Variants in TBC1D22A observed in about 807,000 individuals in gnomAD.
The protein encoded by TBC1D22A is putative GTPase activator.
In TBC1D22A, 38 loss-of-function variants were observed where a neutral mutation model predicts 60.2. That is an observed-to-expected ratio of 0.63 (90% CI 0.49 to 0.83). The LOEUF is 0.83. Ranked by LOEUF, TBC1D22A falls within the 40% of genes least tolerant of loss-of-function variation. The pLI, the probability that TBC1D22A is intolerant of heterozygous loss-of-function variation, is 0.00. For synonymous variants in TBC1D22A, 302 were observed against 281.7 expected (o/e 1.07, Z -0.72); for missense variants, 628 against 701.0 (o/e 0.90, Z 1.18).
intron 11 of TBC1D22A, among the ~76,000 whole-genome samples, chr22:47,048,693 T>G (rs2063107312): frequency 6.6e-6 from 1 of 152,188 alleles, no homozygotes; most frequent in South Asian, 2.1e-4. Flanking sequence ...GCATTGCTTC[T>G]CCTAGTGAAC....
rs138064249 is a variant in TBC1D22A, at chr22:47,072,471, G to A, written c.1329+35273G>A. On this transcript the variant is annotated intron_variant, in intron 11 of 12. Coordinates refer to ENST00000337137, the MANE Select transcript of TBC1D22A (RefSeq NM_014346.5). ...AGAAGTGGAGTTCCCAGTCCCATCCGTGGAGTGGCCTTCCCCTGAGAGCTT... is the reference window on the plus strand; with the variant it reads ...AGAAGTGGAGTTCCCAGTCCCATCCATGGAGTGGCCTTCCCCTGAGAGCTT... Among the ~76,000 whole-genome samples, 124 of 152,366 alleles carry A rather than the reference G, an allele frequency of 8.1e-4. 1 individual carries two copies. The highest frequency in any genetic ancestry group is 2.8e-3 in the African/African-American group (118 of 41,586).
chr22:46,829,723 T>C (rs1009936175), intron 4 of TBC1D22A, among the ~76,000 whole-genome samples: 1 of 152,208 alleles, frequency 6.6e-6, no homozygotes, highest in African/African-American at 2.4e-5. Flanking sequence ...TTTCTATGCC[T>C]CCAAAAGGTC....
chr22:46,944,222 G>A (rs2072364690), intron 8 of TBC1D22A, among the ~76,000 whole-genome samples: 1 of 152,074 alleles, frequency 6.6e-6, no homozygotes, highest in Non-Finnish European at 1.5e-5. Context: ...TTTTATTTTA[G>A]CCATCCTACT....
chr22:47,063,646 G>A (rs1003253818), intron 11 of TBC1D22A, among the ~76,000 whole-genome samples: 3 of 152,132 alleles, frequency 2.0e-5, no homozygotes, highest in African/African-American at 7.2e-5. Flanking sequence ...TCACTCGCGT[G>A]GAGTATCCAT....
At chr22:46,995,801 A>G (rs1251531030) in intron 9 of TBC1D22A, among the ~76,000 whole-genome samples, 2 of 152,066 alleles carry the variant, frequency 1.3e-5, no homozygotes, top group African/African-American at 2.4e-5. Flanking sequence ...CAGCACAGGG[A>G]GGCCTGCCTG....
chr22:47,162,675 G>GCACTTCCTC (rs1569479268), intron 12 of TBC1D22A, among the ~76,000 whole-genome samples: 1 of 49,560 alleles, frequency 2.0e-5, no homozygotes, highest in African/African-American at 6.3e-5. Flanking sequence ...CCCGGTGCAG[G>GCACTTCCTC]GAGAGTCGTG....
chr22:46,912,010 C>A, intron 7 of TBC1D22A, 64 bp from the exon 8 acceptor site: 2 of 1,059,418 alleles, frequency 1.9e-6, no homozygotes, highest in South Asian at 1.3e-5. Context: ...TAATAGAATG[C>A]TTTCATTTTA....
chr22:46,817,578 C>T (rs2085658551), intron 4 of TBC1D22A, among the ~76,000 whole-genome samples: 1 of 152,222 alleles, frequency 6.6e-6, no homozygotes, highest in Admixed American at 6.5e-5. Context: ...CTGCAAAGGA[C>T]ATGATCTCAT....
At chr22:47,095,013 G>T (rs1650710644) in intron 11 of TBC1D22A, among the ~76,000 whole-genome samples, 1 of 152,248 alleles carries the variant, frequency 6.6e-6, no homozygotes, top group African/African-American at 2.4e-5. Context: ...GTAGCAACAG[G>T]CTCATTTAGG....
At chr22:46,930,542 A>G (rs1602528678) in intron 8 of TBC1D22A, among the ~76,000 whole-genome samples, 2 of 150,496 alleles carry the variant, frequency 1.3e-5, no homozygotes, top group South Asian at 2.1e-4. Flanking sequence ...TGCAAGCTCC[A>G]CCTCCCAGGT....
intron 9 of TBC1D22A, among the ~76,000 whole-genome samples, chr22:46,988,141 A>G (rs136130): frequency 0.37 from 56,252 of 151,654 alleles, 10,925 homozygotes; most frequent in African/African-American, 0.5. Flanking sequence ...CATCCATTTA[A>G]ATTTTCCTGT....
At chr22:47,154,054 C>A (rs879896582) in intron 12 of TBC1D22A, among the ~76,000 whole-genome samples, 1 of 152,144 alleles carries the variant, frequency 6.6e-6, no homozygotes. Flanking sequence ...GCTGTGACTG[C>A]GAGTGGATGA....
intron 11 of TBC1D22A, among the ~76,000 whole-genome samples, chr22:47,044,204 G>A (rs778875749): frequency 3.3e-5 from 5 of 152,202 alleles, no homozygotes; most frequent in East Asian, 3.9e-4. Flanking sequence ...GTCCGGTGCC[G>A]TGCTATCCTG....
At chr22:47,072,535 A>G (rs1338649466) in intron 11 of TBC1D22A, among the ~76,000 whole-genome samples, 1 of 152,162 alleles carries the variant, frequency 6.6e-6, no homozygotes, top group Non-Finnish European at 1.5e-5. Context: ...CTGTCTCTCC[A>G]TGCCTTATGC....
chr22:46,924,107 G>A (rs911643851), intron 8 of TBC1D22A, among the ~76,000 whole-genome samples: 1 of 152,180 alleles, frequency 6.6e-6, no homozygotes, highest in African/African-American at 2.4e-5. Context: ...AACATTTTTA[G>A]CAGAGCAAGA....
intron 4 of TBC1D22A, among the ~76,000 whole-genome samples, chr22:46,826,689 G>A (rs1014293121): frequency 1.3e-5 from 2 of 152,132 alleles, no homozygotes; most frequent in Non-Finnish European, 2.9e-5. Context: ...AGACTGTCCC[G>A]GAGCTTGCTT....
intron 4 of TBC1D22A, among the ~76,000 whole-genome samples, chr22:46,847,194 T>C (rs753676613): frequency 3.3e-5 from 5 of 152,224 alleles, no homozygotes; most frequent in Non-Finnish European, 7.3e-5. Context: ...TGGTATGTTT[T>C]GTGCCATTAG....
At chr22:47,119,523 G>A (rs1462896188) in intron 12 of TBC1D22A, among the ~76,000 whole-genome samples, 1 of 147,878 alleles carries the variant, frequency 6.8e-6, no homozygotes, top group Non-Finnish European at 1.5e-5. Flanking sequence ...TTGAGACGAA[G>A]TCTCACACTG....
At chr22:47,150,935 G>A (rs2067477223) in intron 12 of TBC1D22A, among the ~76,000 whole-genome samples, 1 of 152,224 alleles carries the variant, frequency 6.6e-6, no homozygotes, top group Non-Finnish European at 1.5e-5. Flanking sequence ...CGTGCATGTG[G>A]CTGTGTGGCC....
Sources: allele counts gnomAD v4.1 joint callset (sites outside exome capture counted in the v4.1 genomes callset), GRCh38; gene constraint gnomAD v4.1.1; transcripts MANE v1.5; gene names NCBI Gene and HGNC (gene_info 2026-07-23, HGNC 2026-07-21).